SLC35E4: variants seen among roughly 807,000 people sequenced by gnomAD.
SLC35E4 encodes the protein solute carrier family 35 member E4.
A neutral mutation model predicts 19.3 loss-of-function variants in SLC35E4; 15 were observed. That is an observed-to-expected ratio of 0.78 (90% CI 0.52 to 1.20). The LOEUF is 1.20. Among genes scored for constraint, SLC35E4 ranks in the 50% most tolerant of loss-of-function variants. The probability of loss-of-function intolerance (pLI) is 0.00; values close to 1 mark genes in which losing one functional copy is unlikely to be tolerated. For synonymous variants in SLC35E4, 219 were observed against 219.9 expected, an observed-to-expected ratio of 1.00 and a Z score of 0.04; for missense variants, 406 against 472.3, an observed-to-expected ratio of 0.86 and a Z score of 1.30.
downstream of SLC35E4, among the ~76,000 whole-genome samples, chr22:30,651,419 ATATATATATTTTTTTTTTTTTTTTTTT>A (rs1272437508): frequency 3.9e-3 from 248 of 64,332 alleles, 2 homozygotes; most frequent in Non-Finnish European, 5.6e-3. Context: ...ATATATATAT[ATATATATATTTTTTTTTTTTTTTTTTT>A]TTTTTTTTTT....
At chr22:30,654,606 G>C (rs1262363237) in intron 2 of SLC35E4, 6 of 465,566 alleles carry the variant, frequency 1.3e-5, no homozygotes, top group Non-Finnish European at 2.6e-5. Flanking sequence ...TGGGGGCCCA[G>C]AAGTGGTAGG....
chr22:30,636,844 CCCCT>C lies in SLC35E4; in HGVS notation c.395_398del (p.Pro132ArgfsTer86). 6.2e-7 allele frequency: 1 copy of C among 1,612,956 alleles called. No homozygotes were observed. Among genetic ancestry groups the C allele is most frequent in the Non-Finnish European group, 8.5e-7 (1 of 1,179,552 alleles). The stretch of plus-strand genomic sequence containing the variant: ...CGGCAACGTGGGCCTAAGGGCTGTG[CCCCT>C]GGACCTGGCACAACTGGTTACTACC... On this transcript the variant is annotated frameshift_variant, in exon 1 of 2. Coordinates refer to ENST00000343605, the MANE Select transcript of SLC35E4 (RefSeq NM_001001479.4). LOFTEE classifies it high-confidence loss of function.
downstream of SLC35E4, chr22:30,664,084 C>A: frequency 7.3e-7 from 1 of 1,363,862 alleles, no homozygotes; most frequent in Admixed American, 2.2e-5. Flanking sequence ...TGGAAAACTG[C>A]AGAGAGGGAG....
At chr22:30,668,027 A>G (rs977227695), downstream of SLC35E4, 4 of 156,306 alleles carry the variant, frequency 2.6e-5, no homozygotes, top group Admixed American at 6.5e-5. Context: ...CTGGCGCCCA[A>G]CGACCATGGC....
intron 1 of SLC35E4, among the ~76,000 whole-genome samples, chr22:30,640,383 AAAAG>A (rs1308502675): frequency 5.9e-5 from 9 of 152,050 alleles, no homozygotes; most frequent in African/African-American, 2.2e-4. Flanking sequence ...AAAAAAAAAA[AAAAG>A]AAGAAAGAAA....
intron 1 of SLC35E4, 33 bp from the exon 2 acceptor site, chr22:30,646,549 GGAGGGGGTTGTGTCCT>G (rs1169012254): frequency 6.4e-7 from 1 of 1,557,828 alleles, no homozygotes; most frequent in Non-Finnish European, 8.7e-7. Flanking sequence ...TGGGGTGGCT[GGAGGGGGTTGTGTCCT>G]TCTGGGTGCT....
At chr22:30,655,429 C>CAAAAA (rs5844917) in intron 2 of SLC35E4, among the ~76,000 whole-genome samples, 54 of 111,428 alleles carry the variant, frequency 4.8e-4, no homozygotes, top group African/African-American at 1.0e-3. Flanking sequence ...GAGATCCTAC[C>CAAAAA]AAAAAAAAAA....
At chr22:30,638,364 C>T (rs551869756) in intron 1 of SLC35E4, among the ~76,000 whole-genome samples, 1 of 151,480 alleles carries the variant, frequency 6.6e-6, no homozygotes, top group African/African-American at 2.4e-5. Flanking sequence ...TAACCGGGCG[C>T]CATGGCAGGT....
chr22:30,643,394 G>C (rs2088078058), intron 1 of SLC35E4, among the ~76,000 whole-genome samples: 1 of 152,218 alleles, frequency 6.6e-6, no homozygotes, highest in South Asian at 2.1e-4. Flanking sequence ...GCGCTGAGAA[G>C]GCTATCTAGG....
chr22:30,664,423 C>T (rs1207636374), downstream of SLC35E4, among the ~76,000 whole-genome samples: 1 of 152,218 alleles, frequency 6.6e-6, no homozygotes, highest in Admixed American at 6.5e-5. Context: ...GACTTGTGTC[C>T]CTCAGCTGTG....
downstream of SLC35E4, chr22:30,667,897 T>A (rs559245448): frequency 2.6e-5 from 4 of 152,454 alleles, no homozygotes; most frequent in African/African-American, 9.6e-5. Context: ...CGACACTCCC[T>A]CCCCGGCCCC....
rs117128485 is a variant in SLC35E4, at chr22:30,645,675, A to C, written c.620-923A>C. On this transcript the variant is annotated intron_variant, in intron 1 of 1. Coordinates refer to ENST00000343605, the MANE Select transcript of SLC35E4 (RefSeq NM_001001479.4). Reference sequence around the variant, plus strand: ...CTGAAGATTTATTTTTATTTTTTAGAGACAGGGTCTTGCTCTGGTCATTGA... The same window carrying C: ...CTGAAGATTTATTTTTATTTTTTAGCGACAGGGTCTTGCTCTGGTCATTGA... 3.2e-3 allele frequency among the ~76,000 whole-genome samples: 479 copies of C among 150,486 alleles called. 20 individuals are homozygous for C. In the East Asian group the frequency reaches 0.08, roughly 25 times the overall value.
downstream of SLC35E4, chr22:30,649,321 A>T: frequency 1.4e-6 from 1 of 707,934 alleles, no homozygotes; most frequent in Non-Finnish European, 2.6e-6. Context: ...AACCATCTGC[A>T]AAATGTCTCC....
chr22:30,644,659 G>A (rs1026231692), intron 1 of SLC35E4, among the ~76,000 whole-genome samples: 2 of 152,098 alleles, frequency 1.3e-5, no homozygotes, highest in Non-Finnish European at 2.9e-5. Context: ...AGGGAGGATC[G>A]CTTGAGCTCG....
chr22:30,653,894 G>C (rs2088276610), intron 2 of SLC35E4: 1 of 163,406 alleles, frequency 6.1e-6, no homozygotes, highest in East Asian at 1.4e-4. Flanking sequence ...AGGAGTCCAT[G>C]GGTCTTGAGG....
At chr22:30,656,085 C>CACCT (rs1294476875) in intron 2 of SLC35E4, among the ~76,000 whole-genome samples, 1 of 151,996 alleles carries the variant, frequency 6.6e-6, no homozygotes. Context: ...GCGATCCTCC[C>CACCT]ACCTCAGCTT....
At chr22:30,661,444 C>CT (rs56242112) in intron 2 of SLC35E4, 60,642 of 136,438 alleles carry the variant, frequency 0.44, 15,622 homozygotes, top group South Asian at 0.64. Context: ...TTTTCTTTTT[C>CT]TTTTTTTTTT....
At chr22:30,663,656 G>A (rs368849519), downstream of SLC35E4, 10 of 1,614,084 alleles carry the variant, frequency 6.2e-6, no homozygotes, top group African/African-American at 1.3e-5. Flanking sequence ...TGAGGTAGGC[G>A]AGGCACAGGG....
chr22:30,651,371 T>TTG (rs1555899346), downstream of SLC35E4, among the ~76,000 whole-genome samples: 1,777 of 41,084 alleles, frequency 0.043, 91 homozygotes, highest in Non-Finnish European at 0.051. Context: ...TGGCTAATTT[T>TTG]TGTGTGTGTG....
Sources: allele counts gnomAD v4.1 joint callset (sites outside exome capture counted in the v4.1 genomes callset), GRCh38; gene constraint gnomAD v4.1.1; transcripts MANE v1.5; gene names NCBI Gene and HGNC (gene_info 2026-07-23, HGNC 2026-07-21).